HEMK2: variants seen among roughly 807,000 people sequenced by gnomAD.
The protein encoded by HEMK2 is methyltransferase HEMK2.
At chr21:28,728,022 A>T in the HEMK2 span, among the ~76,000 whole-genome samples, 1 of 152,224 alleles carries the variant, frequency 6.6e-6, no homozygotes, top group African/African-American at 2.4e-5. Context: ...CAGGGCCATG[A>T]GCCAAGGAAT....
chr21:28,847,750 T>G, the HEMK2 span, among the ~76,000 whole-genome samples: 4 of 152,212 alleles, frequency 2.6e-5, no homozygotes, highest in Non-Finnish European at 5.9e-5. Context: ...TTTATAGTTT[T>G]AGGTTTTACA....
At chr21:28,861,282 G>A in the HEMK2 span, among the ~76,000 whole-genome samples, 73 of 152,288 alleles carry the variant, frequency 4.8e-4, 1 homozygote, top group East Asian at 1.9e-4. Flanking sequence ...CATACCTGCT[G>A]TAATAAACAG....
At chr21:28,832,201 A>G in the HEMK2 span, among the ~76,000 whole-genome samples, 1 of 152,226 alleles carries the variant, frequency 6.6e-6, no homozygotes, top group South Asian at 2.1e-4. Context: ...CCTTCCCTGG[A>G]AAGGGCAAAA....
At chr21:28,743,875 C>T in the HEMK2 span, among the ~76,000 whole-genome samples, 1 of 152,040 alleles carries the variant, frequency 6.6e-6, no homozygotes, top group Non-Finnish European at 1.5e-5. Flanking sequence ...AAGAAAATAG[C>T]CATGGGACAT....
chr21:28,730,100 G>A, the HEMK2 span, among the ~76,000 whole-genome samples: 7 of 152,104 alleles, frequency 4.6e-5, no homozygotes, highest in Middle Eastern at 3.4e-3. Context: ...AAACATTGCC[G>A]GGCTTGGTGG....
At chr21:28,809,812 T>C in the HEMK2 span, among the ~76,000 whole-genome samples, 1 of 152,188 alleles carries the variant, frequency 6.6e-6, no homozygotes, top group African/African-American at 2.4e-5. Flanking sequence ...GTAGAATTCA[T>C]AGACAGTTGT....
the HEMK2 span, among the ~76,000 whole-genome samples, chr21:28,598,577 T>C: frequency 6.6e-6 from 1 of 152,192 alleles, no homozygotes; most frequent in Admixed American, 6.5e-5. Context: ...TCATGCACCT[T>C]TTCTCTTAGC....
chr21:28,747,158 G>A, the HEMK2 span, among the ~76,000 whole-genome samples: 1 of 152,184 alleles, frequency 6.6e-6, no homozygotes, highest in East Asian at 1.9e-4. Context: ...GAACAGAAGG[G>A]AAAAGATGAA....
chr21:28,623,939 A>T, the HEMK2 span, among the ~76,000 whole-genome samples: 1 of 152,280 alleles, frequency 6.6e-6, no homozygotes, highest in East Asian at 1.9e-4. Flanking sequence ...CTATGTAACA[A>T]ACCTGCACGT....
At chr21:28,720,253 G>GCT in the HEMK2 span, among the ~76,000 whole-genome samples, 43 of 152,326 alleles carry the variant, frequency 2.8e-4, no homozygotes, top group Middle Eastern at 0.01. Flanking sequence ...AACATACTGT[G>GCT]ACCAGAGGCT....
the HEMK2 span, among the ~76,000 whole-genome samples, chr21:28,750,774 T>C: frequency 6.6e-6 from 1 of 151,110 alleles, no homozygotes; most frequent in Non-Finnish European, 1.5e-5. Flanking sequence ...ATGCAGTTCA[T>C]TAGTGACACA....
the HEMK2 span, among the ~76,000 whole-genome samples, chr21:28,643,178 T>G: frequency 6.6e-6 from 1 of 152,188 alleles, no homozygotes; most frequent in South Asian, 2.1e-4. Flanking sequence ...AACCACTTAT[T>G]GCACTTGCTC....
the HEMK2 span, among the ~76,000 whole-genome samples, chr21:28,699,401 C>T: frequency 6.6e-5 from 10 of 152,090 alleles, no homozygotes; most frequent in South Asian, 2.1e-3. Flanking sequence ...AAAATGAATA[C>T]ATTGAAATTG....
the HEMK2 span, among the ~76,000 whole-genome samples, chr21:28,646,190 T>C: frequency 0.016 from 2,461 of 152,290 alleles, 31 homozygotes; most frequent in Middle Eastern, 0.051. Flanking sequence ...ATGAGCAGCA[T>C]ATGGATGACT....
chr21:28,861,063 A>C, the HEMK2 span, among the ~76,000 whole-genome samples: 6 of 152,240 alleles, frequency 3.9e-5, no homozygotes, highest in African/African-American at 1.4e-4. Context: ...GGTGCAGAAG[A>C]TATACCCTTG....
chr21:28,735,173 C>A, the HEMK2 span, among the ~76,000 whole-genome samples: 1 of 152,184 alleles, frequency 6.6e-6, no homozygotes, highest in African/African-American at 2.4e-5. Context: ...TGCTGCATAA[C>A]AATTTCTACA....
At chr21:28,729,982 C>A in the HEMK2 span, among the ~76,000 whole-genome samples, 1 of 152,128 alleles carries the variant, frequency 6.6e-6, no homozygotes, top group African/African-American at 2.4e-5. Flanking sequence ...ATCTGAGGGG[C>A]AAAGGGCTTC....
the HEMK2 span, among the ~76,000 whole-genome samples, chr21:28,674,007 TC>T: frequency 6.6e-6 from 1 of 152,106 alleles, no homozygotes; most frequent in Non-Finnish European, 1.5e-5. Context: ...GTTAAGGCAT[TC>T]TAAGTCACAG....
At chr21:28,781,511 TACTC>T in the HEMK2 span, among the ~76,000 whole-genome samples, 3 of 152,152 alleles carry the variant, frequency 2.0e-5, no homozygotes, top group African/African-American at 7.2e-5. Flanking sequence ...AAAACTGTGA[TACTC>T]ACAGTTACAG....
Sources: allele counts gnomAD v4.1 joint callset (sites outside exome capture counted in the v4.1 genomes callset), GRCh38; gene constraint gnomAD v4.1.1; transcripts MANE v1.5; gene names NCBI Gene and HGNC (gene_info 2026-07-23, HGNC 2026-07-21).